MBNL2: variants seen among roughly 807,000 people sequenced by gnomAD.
MBNL2 encodes muscleblind like splicing regulator 2, also known as muscleblind-like protein 2.
A neutral mutation model predicts 41.9 loss-of-function variants in MBNL2; 17 were observed. The ratio of observed to expected loss-of-function variants is 0.41; its 90% CI spans 0.28 to 0.61. The LOEUF (loss-of-function observed/expected upper bound fraction) is 0.61, where lower values mean the gene tolerates loss of function less well. Ranked by LOEUF, MBNL2 falls within the 20% of genes least tolerant of loss-of-function variation. The pLI is 0.35. For synonymous variants in MBNL2, 195 were observed against 182.9 expected (o/e 1.07, Z -0.53); for missense variants, 336 against 505.6 (o/e 0.66, Z 3.22).
At chr13:97,233,379 G>C (rs2042737068) in intron 1 of MBNL2, among the ~76,000 whole-genome samples, 2 of 116,652 alleles carry the variant, frequency 1.7e-5, no homozygotes, top group Admixed American at 1.2e-4. Flanking sequence ...TCCAAGTGTT[G>C]AGCAGGCTCT....
chr13:97,291,847 A>T (rs563245431), intron 2 of MBNL2, among the ~76,000 whole-genome samples: 86 of 140,106 alleles, frequency 6.1e-4, no homozygotes, highest in Non-Finnish European at 1.1e-3. Context: ...GTGAGCTGAG[A>T]TCATGCCATT....
At chr13:97,386,846 T>TATTG (rs1268194446) in intron 8 of MBNL2, among the ~76,000 whole-genome samples, 1 of 152,072 alleles carries the variant, frequency 6.6e-6, no homozygotes, top group East Asian at 1.9e-4. Flanking sequence ...TTCCTTTCCT[T>TATTG]ATTGATAAGC....
intron 1 of MBNL2, among the ~76,000 whole-genome samples, chr13:97,267,756 T>G (rs533039511): frequency 6.6e-6 from 1 of 152,244 alleles, no homozygotes; most frequent in Admixed American, 6.5e-5. Flanking sequence ...TCTGGCTGTT[T>G]TGTTGTTTTG....
At chr13:97,151,623 C>A in the MBNL2 span, among the ~76,000 whole-genome samples, 1 of 152,164 alleles carries the variant, frequency 6.6e-6, no homozygotes, top group Non-Finnish European at 1.5e-5. Context: ...GAGATGCACA[C>A]AATCAGCTTT....
At chr13:97,234,637 C>T (rs1035561764) in intron 1 of MBNL2, among the ~76,000 whole-genome samples, 2 of 152,242 alleles carry the variant, frequency 1.3e-5, no homozygotes, top group East Asian at 1.9e-4. Context: ...TGGCAATGTG[C>T]GGGACACTGG....
chr13:97,256,440 A>G (rs1438610448), intron 1 of MBNL2, among the ~76,000 whole-genome samples: 3 of 152,120 alleles, frequency 2.0e-5, no homozygotes, highest in Non-Finnish European at 4.4e-5. Flanking sequence ...GAAATTGGTT[A>G]TAGCAACCAG....
At chr13:97,263,761 G>A (rs1415508505) in intron 1 of MBNL2, among the ~76,000 whole-genome samples, 1 of 151,962 alleles carries the variant, frequency 6.6e-6, no homozygotes, top group Non-Finnish European at 1.5e-5. Flanking sequence ...GGGATTACAG[G>A]TGTGCACTAC....
the MBNL2 span, among the ~76,000 whole-genome samples, chr13:97,165,220 C>T: frequency 1.3e-5 from 2 of 151,880 alleles, no homozygotes; most frequent in Non-Finnish European, 2.9e-5. Flanking sequence ...AAAAAAAAAC[C>T]CTTCATTTTC....
At chr13:97,209,252 G>T in the MBNL2 span, among the ~76,000 whole-genome samples, 1 of 152,128 alleles carries the variant, frequency 6.6e-6, no homozygotes, top group Admixed American at 6.5e-5. Context: ...TTGCCAGCTT[G>T]CCAACTCCCT....
chr13:97,225,383 A>G (rs1272558579), intron 1 of MBNL2, among the ~76,000 whole-genome samples: 5 of 152,206 alleles, frequency 3.3e-5, no homozygotes, highest in Non-Finnish European at 2.9e-5. Flanking sequence ...ACATTTCCAA[A>G]ATGACAAAAC....
At chr13:97,164,065 G>A in the MBNL2 span, among the ~76,000 whole-genome samples, 4 of 152,092 alleles carry the variant, frequency 2.6e-5, no homozygotes, top group Admixed American at 2.0e-4. Flanking sequence ...GGAGTGCAGC[G>A]GCACAATCTT....
chr13:97,294,599 G>A (rs1418106667), intron 2 of MBNL2, among the ~76,000 whole-genome samples: 2 of 152,196 alleles, frequency 1.3e-5, no homozygotes, highest in African/African-American at 2.4e-5. Context: ...TGGTCAGTAG[G>A]TCTGGGTATG....
intron 1 of MBNL2, among the ~76,000 whole-genome samples, chr13:97,251,311 A>G (rs1239691437): frequency 1.3e-5 from 2 of 151,866 alleles, no homozygotes; most frequent in Non-Finnish European, 1.5e-5. Flanking sequence ...TGGCTACCCA[A>G]TTTACCCTGA....
At chr13:97,308,313 C>T (rs1242578981) in intron 2 of MBNL2, among the ~76,000 whole-genome samples, 2 of 152,230 alleles carry the variant, frequency 1.3e-5, no homozygotes, top group Non-Finnish European at 2.9e-5. Flanking sequence ...GTCCTACCAG[C>T]TGTCATGTAA....
At chr13:97,295,672 G>A (rs1339191889) in intron 2 of MBNL2, among the ~76,000 whole-genome samples, 10 of 152,164 alleles carry the variant, frequency 6.6e-5, no homozygotes, top group Non-Finnish European at 1.5e-4. Flanking sequence ...AGAAATAGAT[G>A]TTTGATCCAT....
At chr13:97,172,473 T>A in the MBNL2 span, 1 of 152,342 alleles carries the variant, frequency 6.6e-6, no homozygotes, top group East Asian at 1.9e-4. Flanking sequence ...GTGACAAGTC[T>A]TGTCGCACTG....
the MBNL2 span, among the ~76,000 whole-genome samples, chr13:97,174,888 T>C: frequency 6.6e-6 from 1 of 152,082 alleles, no homozygotes; most frequent in Non-Finnish European, 1.5e-5. Flanking sequence ...GATGATGGCA[T>C]CTTCAGTCCT....
intron 1 of MBNL2, among the ~76,000 whole-genome samples, chr13:97,254,989 C>A: frequency 6.6e-6 from 1 of 152,312 alleles, no homozygotes; most frequent in African/African-American, 2.4e-5. Context: ...TCTTCTCCAA[C>A]AAGGGTGAGT....
chr13:97,184,270 A>C, the MBNL2 span, among the ~76,000 whole-genome samples: 1 of 152,190 alleles, frequency 6.6e-6, no homozygotes, highest in Non-Finnish European at 1.5e-5. Context: ...TGTTACACAG[A>C]TCTACTTAAG....
Sources: allele counts gnomAD v4.1 joint callset (sites outside exome capture counted in the v4.1 genomes callset), GRCh38; gene constraint gnomAD v4.1.1; transcripts MANE v1.5; gene names NCBI Gene and HGNC (gene_info 2026-07-23, HGNC 2026-07-21).